The following RPH3A variants were observed in gnomAD, a reference collection of about 807,000 sequenced individuals.
The protein encoded by RPH3A is rabphilin 3A, also known as rabphilin-3A.
In RPH3A, 48 loss-of-function variants were observed where a neutral mutation model predicts 102.2. That is an observed-to-expected ratio of 0.47 (90% CI 0.37 to 0.60). The LOEUF is 0.60. Among genes scored for constraint, RPH3A ranks in the 20% least tolerant of loss-of-function variants. The pLI, the probability that RPH3A is intolerant of heterozygous loss-of-function variation, is 0.00. For missense variants in RPH3A, 781 were observed against 910.1 expected, an observed-to-expected ratio of 0.86 and a Z score of 1.83; for synonymous variants, 310 against 324.3, an observed-to-expected ratio of 0.96 and a Z score of 0.47.
intron 1 of RPH3A, among the ~76,000 whole-genome samples, chr12:112,769,538 G>A (rs11066409): frequency 0.13 from 20,386 of 152,202 alleles, 1,673 homozygotes; most frequent in Admixed American, 0.22. Context: ...TACGTTTAGC[G>A]CATAAAAACA....
intron 1 of RPH3A, among the ~76,000 whole-genome samples, chr12:112,611,978 A>T (rs2039642109): frequency 6.6e-6 from 1 of 152,170 alleles, no homozygotes; most frequent in African/African-American, 2.4e-5. Flanking sequence ...ATCCGCCAGA[A>T]TTTCAGTTGT....
At chr12:112,872,802 G>C (rs1041713793) in intron 10 of RPH3A, among the ~76,000 whole-genome samples, 9 of 152,156 alleles carry the variant, frequency 5.9e-5, no homozygotes, top group Admixed American at 5.9e-4. Context: ...TTCTGAACTG[G>C]ATTTGAATCC....
intron 1 of RPH3A, among the ~76,000 whole-genome samples, chr12:112,739,946 C>G (rs913438155): frequency 1.3e-5 from 2 of 152,232 alleles, no homozygotes; most frequent in East Asian, 3.9e-4. Flanking sequence ...CCCTTCATCC[C>G]CCCCCAGCCT....
chr12:112,853,748 A>G (rs567798884), intron 5 of RPH3A, among the ~76,000 whole-genome samples: 15 of 152,198 alleles, frequency 9.9e-5, no homozygotes, highest in African/African-American at 2.9e-4. Flanking sequence ...TGAATCATTT[A>G]ACTCAGGAAG....
At chr12:112,750,614 C>A (rs1383792321) in intron 1 of RPH3A, among the ~76,000 whole-genome samples, 1 of 152,086 alleles carries the variant, frequency 6.6e-6, no homozygotes, top group African/African-American at 2.4e-5. Context: ...TGGTAAGGCC[C>A]AAGAGATGGG....
intron 5 of RPH3A, among the ~76,000 whole-genome samples, chr12:112,860,784 T>C (rs1439914426): frequency 6.6e-6 from 1 of 152,124 alleles, no homozygotes; most frequent in Admixed American, 6.5e-5. Context: ...AGACCCCCAA[T>C]GGTAGAGTGA....
intron 5 of RPH3A, among the ~76,000 whole-genome samples, chr12:112,864,870 G>A (rs1308892949): frequency 6.6e-6 from 1 of 152,090 alleles, no homozygotes; most frequent in Non-Finnish European, 1.5e-5. Flanking sequence ...ATTCGGTTGG[G>A]TCATTGAATG....
At chr12:112,634,211 A>G (rs61942286) in intron 1 of RPH3A, among the ~76,000 whole-genome samples, 61,937 of 81,880 alleles carry the variant, frequency 0.76, 23,680 homozygotes, top group African/African-American at 0.87. Context: ...AGCCGGGCGT[A>G]GTGGCGGGCG....
At chr12:112,763,184 T>A (rs1007970398) in intron 1 of RPH3A, among the ~76,000 whole-genome samples, 2 of 152,234 alleles carry the variant, frequency 1.3e-5, no homozygotes, top group African/African-American at 4.8e-5. Flanking sequence ...GTATTATTAG[T>A]GTTGGGCTCT....
chr12:112,607,407 A>G (rs994116746), intron 1 of RPH3A, among the ~76,000 whole-genome samples: 4 of 152,210 alleles, frequency 2.6e-5, no homozygotes, highest in African/African-American at 9.7e-5. Flanking sequence ...GCAGGAATTG[A>G]ACAATATATT....
At chr12:112,659,759 T>A (rs1456376542) in intron 1 of RPH3A, among the ~76,000 whole-genome samples, 1 of 152,170 alleles carries the variant, frequency 6.6e-6, no homozygotes, top group Non-Finnish European at 1.5e-5. Context: ...GGATTTCATT[T>A]AATGGGGTTC....
At chr12:112,863,753 G>A (rs2042561716) in intron 5 of RPH3A, among the ~76,000 whole-genome samples, 2 of 152,232 alleles carry the variant, frequency 1.3e-5, no homozygotes, top group Non-Finnish European at 2.9e-5. Flanking sequence ...GGGTGGCAAT[G>A]CACTTCATGC....
At chr12:112,845,087 G>A (rs993879758) in intron 4 of RPH3A, among the ~76,000 whole-genome samples, 13 of 152,190 alleles carry the variant, frequency 8.5e-5, no homozygotes, top group Non-Finnish European at 1.5e-4. Flanking sequence ...GCCACACAGC[G>A]TCACTTCCAC....
chr12:112,772,888 C>T (rs1490891581), intron 1 of RPH3A, among the ~76,000 whole-genome samples: 1 of 151,916 alleles, frequency 6.6e-6, no homozygotes, highest in Non-Finnish European at 1.5e-5. Context: ...TCACCCCCTC[C>T]CACTCTTCCC....
At chr12:112,632,757 G>T (rs369592242) in intron 1 of RPH3A, among the ~76,000 whole-genome samples, 2 of 152,214 alleles carry the variant, frequency 1.3e-5, no homozygotes, top group Admixed American at 6.5e-5. Flanking sequence ...ATCTAGTGCA[G>T]TGGACAGCCC....
chr12:112,589,869 G>A (rs2039464755), intron 1 of RPH3A, among the ~76,000 whole-genome samples: 1 of 152,258 alleles, frequency 6.6e-6, no homozygotes, highest in African/African-American at 2.4e-5. Flanking sequence ...GATCACTTGA[G>A]GTCAGGAGTT....
intron 1 of RPH3A, among the ~76,000 whole-genome samples, chr12:112,763,176 A>G (rs1373280923): frequency 6.6e-6 from 1 of 152,218 alleles, no homozygotes; most frequent in Non-Finnish European, 1.5e-5. Flanking sequence ...GGAGCTGTGT[A>G]TTATTAGTGT....
chr12:112,773,277 CT>C (rs2040940500), intron 1 of RPH3A, among the ~76,000 whole-genome samples: 1 of 152,010 alleles, frequency 6.6e-6, no homozygotes, highest in African/African-American at 2.4e-5. Context: ...AACCCCATCC[CT>C]TTTGTTGAAG....
chr12:112,839,921 G>A (rs371340779), intron 4 of RPH3A, among the ~76,000 whole-genome samples: 3 of 152,270 alleles, frequency 2.0e-5, no homozygotes, highest in African/African-American at 7.2e-5. Context: ...CCCAGGAGGT[G>A]GAGGTTGCGG....
Sources: gnomAD v4.1 joint callset for allele counts (sites outside exome capture counted in the v4.1 genomes callset) on GRCh38, gnomAD v4.1.1 for gene constraint, MANE v1.5 for transcripts, NCBI Gene and HGNC (gene_info 2026-07-23, HGNC 2026-07-21) for gene names.